The following AOPEP variants were observed in gnomAD, a reference collection of about 807,000 sequenced individuals.
The protein encoded by AOPEP is aminopeptidase O.
AOPEP carries 77 observed loss-of-function variants against 98.1 expected under a neutral mutation model. That is an observed-to-expected ratio of 0.78 (90% CI 0.65 to 0.95). The LOEUF (loss-of-function observed/expected upper bound fraction) is 0.95. Ranked by LOEUF, AOPEP falls within the 40% of genes least tolerant of loss-of-function variation. The probability of loss-of-function intolerance (pLI) is 0.00; values close to 1 mark genes in which losing one functional copy is unlikely to be tolerated. For missense variants in AOPEP, 1,024 were observed against 1,024.7 expected, an observed-to-expected ratio of 1.00 and a Z score of 0.01; for synonymous variants, 346 against 365.3, an observed-to-expected ratio of 0.95 and a Z score of 0.60.
At chr9:94,747,775 T>C (rs1486620972) in intron 1 of AOPEP, among the ~76,000 whole-genome samples, 1 of 152,168 alleles carries the variant, frequency 6.6e-6, no homozygotes, top group Non-Finnish European at 1.5e-5. Context: ...AGAAGAGTGC[T>C]GAAGGGCTGG....
At chr9:94,940,069 T>C (rs1588998673) in intron 7 of AOPEP, among the ~76,000 whole-genome samples, 1 of 152,372 alleles carries the variant, frequency 6.6e-6, no homozygotes, top group East Asian at 1.9e-4. Flanking sequence ...GAAACACTTC[T>C]GGTTCCAAAT....
At chr9:94,867,171 C>A (rs2045799189) in intron 5 of AOPEP, among the ~76,000 whole-genome samples, 1 of 152,214 alleles carries the variant, frequency 6.6e-6, no homozygotes, top group South Asian at 2.1e-4. Flanking sequence ...TATTACCTAT[C>A]AAGTTTATAA....
chr9:94,820,788 A>T (rs1481406804), intron 5 of AOPEP, among the ~76,000 whole-genome samples: 3 of 152,228 alleles, frequency 2.0e-5, no homozygotes, highest in Non-Finnish European at 4.4e-5. Context: ...GCAGTAGAAT[A>T]TCAGCACTTT....
intron 7 of AOPEP, chr9:94,933,733 T>A (rs149473331): frequency 0.01 from 9,285 of 891,664 alleles, 53 homozygotes; most frequent in Non-Finnish European, 0.011. Flanking sequence ...AGCCTTTTTT[T>A]ATTTTTATTT....
At chr9:95,097,219 G>A in the AOPEP span, among the ~76,000 whole-genome samples, 70 of 152,334 alleles carry the variant, frequency 4.6e-4, no homozygotes, top group African/African-American at 1.6e-3. Flanking sequence ...TTCATGGGAC[G>A]CAACCTTCTA....
chr9:94,822,907 G>A (rs754434443), intron 5 of AOPEP, among the ~76,000 whole-genome samples: 4 of 151,978 alleles, frequency 2.6e-5, no homozygotes, highest in Non-Finnish European at 4.4e-5. Flanking sequence ...TGATAGTGCC[G>A]AAATTCTACC....
At chr9:94,768,721 C>T (rs1260569081) in intron 2 of AOPEP, among the ~76,000 whole-genome samples, 1 of 152,270 alleles carries the variant, frequency 6.6e-6, no homozygotes, top group African/African-American at 2.4e-5. Context: ...CTCATTCCCA[C>T]AACTCCTGTG....
downstream of AOPEP, chr9:95,087,349 G>T (rs754837908): frequency 6.6e-6 from 1 of 151,794 alleles, no homozygotes; most frequent in African/African-American, 2.4e-5. Context: ...CGGGCGTGGT[G>T]GTGGGCACCT....
At chr9:94,768,809 A>G (rs1840218755) in intron 2 of AOPEP, among the ~76,000 whole-genome samples, 1 of 152,184 alleles carries the variant, frequency 6.6e-6, no homozygotes, top group Admixed American at 6.5e-5. Context: ...CTGGTGAGAG[A>G]GTTTTCCTTT....
intron 5 of AOPEP, among the ~76,000 whole-genome samples, chr9:94,860,232 T>C (rs192947423): frequency 1.3e-5 from 2 of 152,290 alleles, no homozygotes; most frequent in South Asian, 2.1e-4. Context: ...CTTGGAACTT[T>C]GGAGGACCCG....
At chr9:95,020,959 T>C (rs527364121) in intron 13 of AOPEP, among the ~76,000 whole-genome samples, 1 of 145,086 alleles carries the variant, frequency 6.9e-6, no homozygotes, top group East Asian at 2.0e-4. Context: ...ACCAGATAAA[T>C]TGACATTTTG....
At chr9:94,901,805 G>T (rs575927080) in intron 5 of AOPEP, among the ~76,000 whole-genome samples, 2 of 152,002 alleles carry the variant, frequency 1.3e-5, no homozygotes. Flanking sequence ...GCCGGGCGTC[G>T]TGGAGCACAT....
At chr9:94,796,242 T>A (rs1254556720) in intron 4 of AOPEP, among the ~76,000 whole-genome samples, 1 of 151,504 alleles carries the variant, frequency 6.6e-6, no homozygotes, top group Non-Finnish European at 1.5e-5. Flanking sequence ...CCCCCTTCCA[T>A]GTCCAATAAA....
intron 5 of AOPEP, among the ~76,000 whole-genome samples, chr9:94,877,885 A>T (rs1326026175): frequency 6.6e-6 from 1 of 152,228 alleles, no homozygotes; most frequent in Non-Finnish European, 1.5e-5. Context: ...TTCATTGGAA[A>T]AGTTAAAGTG....
At chr9:94,945,862 ATTCT>A (rs1326572625) in intron 7 of AOPEP, among the ~76,000 whole-genome samples, 2 of 151,958 alleles carry the variant, frequency 1.3e-5, no homozygotes, top group Non-Finnish European at 2.9e-5. Context: ...TTCCATTTTT[ATTCT>A]TTCTACTTTT....
intron 14 of AOPEP, among the ~76,000 whole-genome samples, chr9:95,066,628 A>G (rs1439741851): frequency 5.9e-5 from 9 of 152,126 alleles, no homozygotes; most frequent in Non-Finnish European, 1.0e-4. Flanking sequence ...CACAGGGTTC[A>G]GCAGTGGGCC....
intron 5 of AOPEP, among the ~76,000 whole-genome samples, chr9:94,907,621 C>A (rs577256824): frequency 6.6e-6 from 1 of 152,182 alleles, no homozygotes; most frequent in Non-Finnish European, 1.5e-5. Context: ...CACCAGTCTT[C>A]CCCAGAGCCT....
chr9:94,809,023 A>G lies in AOPEP; in HGVS notation c.1364+8021A>G, dbSNP rs149485624. Among the ~76,000 whole-genome samples, 854 of 152,380 alleles carry G rather than the reference A, an allele frequency of 5.6e-3. 4 individuals carry two copies. The highest frequency in any genetic ancestry group is 9.2e-3 in the Non-Finnish European group (624 of 68,038). ...TGAAAGCGCAGTTGGAAAGGGGTGG[A>G]TGGACAAAGCCAAGAACTCACTCGA... is the stretch of plus-strand genomic sequence containing the variant. On this transcript the variant is annotated intron_variant, in intron 5 of 16. Transcript: ENST00000375315.
chr9:94,928,152 G>A (rs976143786), intron 6 of AOPEP, among the ~76,000 whole-genome samples: 1 of 152,140 alleles, frequency 6.6e-6, no homozygotes, highest in Admixed American at 6.5e-5. Flanking sequence ...CAGACCAGGT[G>A]TGTGTCGGTG....
Sources: allele counts gnomAD v4.1 joint callset (sites outside exome capture counted in the v4.1 genomes callset), GRCh38; gene constraint gnomAD v4.1.1; transcripts MANE v1.5; gene names NCBI Gene and HGNC (gene_info 2026-07-23, HGNC 2026-07-21).